The following AP2A1 variants were observed in gnomAD, a reference collection of about 807,000 sequenced individuals.
AP2A1 encodes the protein AP-2 complex subunit alpha-1.
Under a neutral mutation model 107.3 loss-of-function variants are expected in AP2A1, and 21 were observed. That is an observed-to-expected ratio of 0.20 (90% CI 0.14 to 0.28). The LOEUF is 0.28. AP2A1 is among the 10% of genes least tolerant of loss of function. The pLI is 1.00. For synonymous variants in AP2A1, 602 were observed against 564.8 expected (o/e 1.07, Z -0.93); for missense variants, 873 against 1,307.7 (o/e 0.67, Z 5.13).
intron 5 of AP2A1, 126 bp from the exon 6 acceptor site, chr19:49,792,865 T>G: frequency 1.2e-6 from 1 of 817,666 alleles, no homozygotes; most frequent in Non-Finnish European, 1.9e-6. Flanking sequence ...CAGTGACACA[T>G]GTGCACACCC....
At chr19:49,776,124 C>T (rs1036750813) in intron 1 of AP2A1, among the ~76,000 whole-genome samples, 1 of 152,072 alleles carries the variant, frequency 6.6e-6, no homozygotes, top group Non-Finnish European at 1.5e-5. Flanking sequence ...CTCCCATGGC[C>T]CCCCCCAGCA....
intron 1 of AP2A1, among the ~76,000 whole-genome samples, chr19:49,771,220 C>T (rs1384775381): frequency 6.7e-6 from 1 of 148,446 alleles, no homozygotes; most frequent in Non-Finnish European, 1.5e-5. Context: ...GTAGTCCCAG[C>T]TACTTGGGAG....
intron 1 of AP2A1, among the ~76,000 whole-genome samples, chr19:49,776,122 G>GC (rs902126175): frequency 4.3e-4 from 65 of 151,576 alleles, no homozygotes; most frequent in African/African-American, 1.3e-3. Context: ...CCCTCCCATG[G>GC]CCCCCCCCAG....
intron 1 of AP2A1, among the ~76,000 whole-genome samples, chr19:49,778,746 T>C (rs1445273647): frequency 6.6e-6 from 1 of 152,162 alleles, no homozygotes; most frequent in African/African-American, 2.4e-5. Context: ...ACTGAAATGT[T>C]GATATGCGGG....
Position 49,806,178 on chromosome 19 carries a change from G to C in AP2A1, c.2715G>C (p.Val905=), listed in dbSNP as rs745373979. 5.7e-6 allele frequency: 9 copies of C among 1,592,168 alleles called. No homozygotes were observed. Among genetic ancestry groups the C allele is most frequent in the Admixed American group, 1.8e-5 (1 of 56,120 alleles). Residue 905 remains valine, a synonymous_variant, in exon 22 of 23, where the codon GTG becomes GTC. Transcript: ENST00000354293. ...TGGACCCCAACCCTGAGAACTTCGT[G>C]GGGGCGGGGATCATCCAGACTAAAG... ...DNVDPNPENF[V]GAGIIQTKAL... is the part of the protein sequence containing the mutation.
At chr19:49,789,756 C>T (rs2073119336) in intron 4 of AP2A1, among the ~76,000 whole-genome samples, 1 of 152,102 alleles carries the variant, frequency 6.6e-6, no homozygotes, top group African/African-American at 2.4e-5. Context: ...TCTTTCTCCC[C>T]AAAGCCGACA....
At chr19:49,777,621 C>CGA (rs1159565172) in intron 1 of AP2A1, among the ~76,000 whole-genome samples, 6 of 133,738 alleles carry the variant, frequency 4.5e-5, no homozygotes, top group African/African-American at 1.4e-4. Context: ...GGCGACAAAG[C>CGA]GAGACTCCAT....
At position 49,795,785 on chromosome 19, in the gene AP2A1, C is replaced by T. The variant is rs776838369; in HGVS notation, c.814+47C>T. 5.1e-6 allele frequency: 7 copies of T among 1,366,890 alleles called. No individual in the cohort carries two copies. The Admixed American group carries it at 1.2e-4, about 23-fold the overall frequency. The allele number at this position is 1,366,890 out of a possible 1,614,324, so 84.7% of individuals were successfully genotyped here. ...CCAACCCGGGGTGGCCTGCTGCTGG[C>T]ATCTGGGGGCCTCCTGCTCCACGGC... On this transcript the variant is annotated intron_variant, in intron 7 of 22. Transcript: ENST00000354293.
chr19:49,806,788 C>T lies in AP2A1; in HGVS notation c.*30C>T, dbSNP rs1410914565. The stretch of plus-strand genomic sequence containing the variant: ...TGGACTCTGCCCCGGGGGATGTGGC[C>T]GGCACTGGGCAGCCCCTTGGACTGA... On this transcript the variant is annotated 3_prime_UTR_variant, in exon 23 of 23. Coordinates refer to ENST00000354293, the MANE Select transcript of AP2A1 (RefSeq NM_130787.3). 4 of 1,613,088 alleles carry T rather than the reference C, an allele frequency of 2.5e-6. No individual in the cohort carries two copies. The highest frequency in any genetic ancestry group is 1.7e-5 in the Admixed American group (1 of 59,954).
At chr19:49,791,502 T>C (rs1001281) in intron 4 of AP2A1, among the ~76,000 whole-genome samples, 30,517 of 152,142 alleles carry the variant, frequency 0.2, 3,262 homozygotes, top group South Asian at 0.38. Flanking sequence ...GCTGGGATTA[T>C]AGGCGTGAGC....
At chr19:49,789,283 A>G (rs1026814442) in intron 4 of AP2A1, among the ~76,000 whole-genome samples, 36 of 151,866 alleles carry the variant, frequency 2.4e-4, no homozygotes, top group Admixed American at 6.6e-5. Context: ...GCCATGCACC[A>G]CACAATCTCA....
At position 49,801,634 on chromosome 19, in the gene AP2A1, T is replaced by TGCCCCCCCCCCCC; in HGVS notation, c.1785+13_1785+14insGCCCCCCCCCCCC. 3.4e-6 allele frequency: 5 copies of TGCCCCCCCCCCCC among 1,482,142 alleles called. No homozygotes were observed. The highest frequency in any genetic ancestry group is 4.6e-6 in the Non-Finnish European group (5 of 1,076,830). The allele number at this position is 1,482,142 out of a possible 1,614,324, so 91.8% of individuals were successfully genotyped here. A position where few individuals can be genotyped will look rare whatever the true frequency, so the allele number is the denominator to read the frequency against. On this transcript the variant is annotated intron_variant, in intron 13 of 22. Transcript: ENST00000354293. The stretch of plus-strand genomic sequence containing the variant: ...CACCGACGTCCTGGTCAGAGCCCTG[T>TGCCCCCCCCCCCC]CCCCCCACCCCACCCCTCTTGCACA...
At chr19:49,790,215 T>G (rs1174513569) in intron 4 of AP2A1, among the ~76,000 whole-genome samples, 1 of 152,194 alleles carries the variant, frequency 6.6e-6, no homozygotes, top group Non-Finnish European at 1.5e-5. Context: ...CCACCTGCTT[T>G]CCTTGGCTCG....
At chr19:49,772,993 G>A (rs185903024) in intron 1 of AP2A1, among the ~76,000 whole-genome samples, 1 of 152,052 alleles carries the variant, frequency 6.6e-6, no homozygotes. Flanking sequence ...GAGGGATGCG[G>A]AGGAGGAGGT....
intron 7 of AP2A1, 72 bp downstream of exon 7, chr19:49,795,810 C>T (rs1171146059): frequency 7.7e-6 from 9 of 1,170,928 alleles, no homozygotes; most frequent in African/African-American, 3.1e-5. Context: ...TGCTCCACGG[C>T]GCACCAGGTG....
Position 49,807,103 on chromosome 19 carries a change from G to A in AP2A1, c.*345G>A, listed in dbSNP as rs753198779. On this transcript the variant is annotated 3_prime_UTR_variant, in exon 23 of 23. Transcript: ENST00000354293. ...GTATTATTGTGAGCGAATAAACAGA[G>A]AGACGCTAACAGCCCCATGTCTGTG... 6.6e-7 allele frequency: 1 copy of A among 1,508,318 alleles called. No individual in the cohort carries two copies. Among genetic ancestry groups the A allele is most frequent in the Admixed American group, 1.8e-5 (1 of 55,876 alleles). The allele number at this position is 1,508,318 out of a possible 1,614,324, so 93.4% of individuals were successfully genotyped here.
chr19:49,796,856 CGT>C (rs2073220247), intron 7 of AP2A1: 1 of 151,404 alleles, frequency 6.6e-6, no homozygotes, highest in East Asian at 2.0e-4. Context: ...CCTGTGTGTG[CGT>C]GTCTCAATGC....
intron 22 of AP2A1, 186 bp from the exon 23 acceptor site, chr19:49,806,491 CCTTT>C (rs1227645820): frequency 2.8e-6 from 4 of 1,445,042 alleles, no homozygotes; most frequent in Non-Finnish European, 3.6e-6. Context: ...ATCCTTTCCA[CCTTT>C]CTCTCATCTT....
rs2073099080 is a variant in AP2A1 at position 49,788,296 on chromosome 19, T to A, written c.474-3639T>A. ...GAATATGCAGCTTGATATTGTGTAGTTTAACATTTTCCTAAGTAGCGCCAT... is the reference window on the plus strand; with the variant it reads ...GAATATGCAGCTTGATATTGTGTAGATTAACATTTTCCTAAGTAGCGCCAT... On this transcript the variant is annotated intron_variant, in intron 4 of 22. Transcript: ENST00000354293. This position sits in a 1 kb window ranked among gnomAD's most constrained non-coding sequence, Gnocchi z 4.5. Among the ~76,000 whole-genome samples the A allele has an allele frequency of 1.3e-5, 2 of 152,214 alleles. No homozygotes were observed. Among genetic ancestry groups the A allele is most frequent in the South Asian group, 4.1e-4 (2 of 4,830 alleles).
Sources: allele counts gnomAD v4.1 joint callset (sites outside exome capture counted in the v4.1 genomes callset), GRCh38; gene constraint gnomAD v4.1.1; non-coding constraint Gnocchi (gnomAD v3.1); transcripts MANE v1.5; gene names NCBI Gene and HGNC (gene_info 2026-07-23, HGNC 2026-07-21).